The following ANKRD17 variants were observed in gnomAD, a reference collection of about 807,000 sequenced individuals.
ANKRD17 encodes the protein ankyrin repeat domain 17, also known as ankyrin repeat domain-containing protein 17.
In ANKRD17, 19 loss-of-function variants were observed where a neutral mutation model predicts 229.7. The observed-to-expected ratio is 0.08, with a 90% confidence interval of 0.06 to 0.12. ANKRD17 has a LOEUF of 0.12. Among genes scored for constraint, ANKRD17 ranks in the 10% least tolerant of loss-of-function variants. ANKRD17 has a pLI of 1.00. For synonymous variants in ANKRD17, 1,112 were observed against 1,146.1 expected (o/e 0.97, Z 0.60); for missense variants, 2,176 against 3,176.8 (o/e 0.68, Z 7.57).
At chr4:73,212,840 AC>A (rs1451357139) in intron 1 of ANKRD17, among the ~76,000 whole-genome samples, 1 of 150,304 alleles carries the variant, frequency 6.7e-6, no homozygotes, top group Non-Finnish European at 1.5e-5. Context: ...ACATTGTGAA[AC>A]CCCGTCTCTA....
At chr4:73,120,093 T>C (rs1726522426) in intron 21 of ANKRD17, 69 bp downstream of exon 21, 4 of 1,473,938 alleles carry the variant, frequency 2.7e-6, no homozygotes, top group African/African-American at 1.4e-5. Context: ...AATAGTTTAA[T>C]TGCCTAGAGA....
chr4:73,190,096 C>T (rs551544696), intron 1 of ANKRD17, among the ~76,000 whole-genome samples: 228 of 152,192 alleles, frequency 1.5e-3, no homozygotes, highest in Non-Finnish European at 2.2e-3. Flanking sequence ...GGGCTGGGCG[C>T]GGTGGCTTAC....
intron 1 of ANKRD17, among the ~76,000 whole-genome samples, chr4:73,248,588 T>C (rs1273772949): frequency 6.6e-6 from 1 of 152,014 alleles, no homozygotes; most frequent in Non-Finnish European, 1.5e-5. Flanking sequence ...CTAATAGTGA[T>C]AAAACTATTA....
chr4:73,190,998 T>A (rs1197601761), intron 1 of ANKRD17, among the ~76,000 whole-genome samples: 2 of 152,152 alleles, frequency 1.3e-5, no homozygotes. Context: ...CAAATTAATC[T>A]GTAAATTCAA....
At chr4:73,117,622 C>G (rs111679448) in intron 22 of ANKRD17, among the ~76,000 whole-genome samples, 6 of 151,962 alleles carry the variant, frequency 3.9e-5, no homozygotes, top group Non-Finnish European at 8.8e-5. Context: ...TAAAGAACAG[C>G]GGTCAGAGAT....
chr4:73,144,462 C>T (rs564592001), intron 11 of ANKRD17, among the ~76,000 whole-genome samples: 9 of 152,170 alleles, frequency 5.9e-5, no homozygotes, highest in Non-Finnish European at 1.2e-4. Context: ...ATGAACACAG[C>T]AGAGTTTGTT....
At chr4:73,133,381 T>C (rs909436420) in intron 16 of ANKRD17, among the ~76,000 whole-genome samples, 59 of 149,364 alleles carry the variant, frequency 4.0e-4, no homozygotes, top group Non-Finnish European at 7.4e-5. Context: ...ATCAAATGAA[T>C]GTCTCGTGTT....
chr4:73,113,115 T>C (rs765404825), intron 24 of ANKRD17: 3 of 1,213,916 alleles, frequency 2.5e-6, no homozygotes, highest in African/African-American at 3.2e-5. Flanking sequence ...AGATGAGATA[T>C]GGCAGTTCCA....
intron 1 of ANKRD17, among the ~76,000 whole-genome samples, chr4:73,253,730 C>A (rs1745222393): frequency 6.6e-6 from 1 of 152,146 alleles, no homozygotes; most frequent in African/African-American, 2.4e-5. Context: ...AAGGTACTTA[C>A]CAGGCATTCA....
chr4:73,238,983 C>A lies in ANKRD17; in HGVS notation c.393+19293G>T, dbSNP rs112954142. On this transcript the variant is annotated intron_variant, in intron 1 of 33. Transcript: ENST00000358602. The stretch of plus-strand genomic sequence containing the variant: ...AAATGATATACAGCAGTGTAATACA[C>A]ATAAACCAATTAGAATTGTGGCTGG... Among the ~76,000 whole-genome samples the A allele has an allele frequency of 1.9e-3, 285 of 152,230 alleles. 1 individual carries two copies. Among genetic ancestry groups the A allele is most frequent in the African/African-American group, 6.6e-3 (273 of 41,570 alleles).
chr4:73,167,053 C>T (rs1407426832), intron 2 of ANKRD17, among the ~76,000 whole-genome samples: 2 of 151,926 alleles, frequency 1.3e-5, no homozygotes, highest in Non-Finnish European at 2.9e-5. Context: ...CAGATACATA[C>T]TAAAATATTT....
At position 73,258,635 on chromosome 4, in the gene ANKRD17, T is replaced by TCGCCGC. The variant is rs1460021532; in HGVS notation, c.28_33dup (p.Ala10_Ala11dup). 8 of 1,480,310 alleles carry TCGCCGC rather than the reference T, an allele frequency of 5.4e-6. No homozygotes were observed. The highest frequency in any genetic ancestry group is 1.3e-5 in the South Asian group (1 of 78,370). The allele number at this position is 1,480,310 out of a possible 1,614,324, so 91.7% of individuals were successfully genotyped here. A position where few individuals can be genotyped will look rare whatever the true frequency, so the allele number is the denominator to read the frequency against. On this transcript the variant is annotated inframe_insertion, in exon 1 of 34. Transcript: ENST00000358602. ...GGGCTCCCTTCTCCTTCTGCAGCCG[T>TCGCCGC]CGCCGCCGCCACCGGAACCGTCGCC...
At chr4:73,241,023 C>A (rs923156214) in intron 1 of ANKRD17, among the ~76,000 whole-genome samples, 17 of 151,906 alleles carry the variant, frequency 1.1e-4, no homozygotes, top group African/African-American at 3.9e-4. Flanking sequence ...GTTCCCCAGG[C>A]TGGTCTTGAA....
chr4:73,210,143 A>G (rs1740054555), intron 1 of ANKRD17, among the ~76,000 whole-genome samples: 1 of 152,138 alleles, frequency 6.6e-6, no homozygotes, highest in African/African-American at 2.4e-5. Flanking sequence ...TAACCATGGG[A>G]GATGAAGGTA....
chr4:73,188,122 T>G (rs1350350025), intron 1 of ANKRD17, among the ~76,000 whole-genome samples: 3 of 152,010 alleles, frequency 2.0e-5, no homozygotes, highest in African/African-American at 7.2e-5. Context: ...ACATTCTTGG[T>G]CCATAAAGTT....
chr4:73,180,617 A>G (rs1360087338), intron 1 of ANKRD17, among the ~76,000 whole-genome samples: 4 of 152,218 alleles, frequency 2.6e-5, no homozygotes, highest in African/African-American at 9.6e-5. Context: ...AAAACTGTAA[A>G]TTCAAATGAC....
intron 1 of ANKRD17, among the ~76,000 whole-genome samples, chr4:73,221,448 T>A: frequency 6.6e-6 from 1 of 152,126 alleles, no homozygotes; most frequent in East Asian, 1.9e-4. Context: ...TATGCTGAAG[T>A]TTTAAATGGC....
chr4:73,233,915 T>C (rs950274343), intron 1 of ANKRD17, among the ~76,000 whole-genome samples: 1 of 152,202 alleles, frequency 6.6e-6, no homozygotes, highest in Non-Finnish European at 1.5e-5. Flanking sequence ...GATCTTCTTG[T>C]CCTTAAGAGT....
intron 1 of ANKRD17, 116 bp from the exon 2 acceptor site, chr4:73,177,649 A>G (rs1560661042): frequency 5.3e-6 from 4 of 758,386 alleles, no homozygotes; most frequent in Non-Finnish European, 8.4e-6. Context: ...ATAATTAACA[A>G]TGGTAAACAC....
Sources: gnomAD v4.1 joint callset for allele counts (sites outside exome capture counted in the v4.1 genomes callset) on GRCh38, gnomAD v4.1.1 for gene constraint, MANE v1.5 for transcripts, NCBI Gene and HGNC (gene_info 2026-07-23, HGNC 2026-07-21) for gene names.